Variants in GRM5 observed in about 807,000 individuals in gnomAD.
GRM5 encodes the protein glutamate metabotropic receptor 5.
A neutral mutation model predicts 83.1 loss-of-function variants in GRM5; 19 were observed. The observed-to-expected ratio is 0.23, with a 90% CI of 0.16 to 0.34. The LOEUF is 0.34. GRM5 is among the 10% of genes least tolerant of loss of function. The pLI is 1.00. For synonymous variants in GRM5, 675 were observed against 633.6 expected (o/e 1.07, Z -0.98); for missense variants, 1,160 against 1,588.3 (o/e 0.73, Z 4.58).
intron 3 of GRM5, among the ~76,000 whole-genome samples, chr11:88,707,713 G>T (rs905437995): frequency 4.6e-5 from 7 of 152,066 alleles, no homozygotes; most frequent in Admixed American, 1.3e-4. Context: ...GCCAGCTAAT[G>T]AAAAGTGTTA....
At chr11:88,677,082 G>A (rs1417010563) in intron 3 of GRM5, among the ~76,000 whole-genome samples, 1 of 151,958 alleles carries the variant, frequency 6.6e-6, no homozygotes, top group African/African-American at 2.4e-5. Context: ...TCTTTGATGG[G>A]CCACCTATAA....
chr11:88,712,392 G>T (rs1240879498), intron 3 of GRM5, among the ~76,000 whole-genome samples: 2 of 151,942 alleles, frequency 1.3e-5, no homozygotes, highest in Admixed American at 1.3e-4. Flanking sequence ...TGTTTGTTAT[G>T]GTTTGGTAGA....
intron 3 of GRM5, among the ~76,000 whole-genome samples, chr11:88,846,668 A>T (rs1944308082): frequency 1.3e-5 from 2 of 152,148 alleles, no homozygotes; most frequent in Non-Finnish European, 1.5e-5. Flanking sequence ...AGTAGGCTCT[A>T]AATATAGCCT....
intron 4 of GRM5, among the ~76,000 whole-genome samples, chr11:88,632,954 C>T (rs1223293877): frequency 1.3e-5 from 2 of 152,094 alleles, no homozygotes; most frequent in Non-Finnish European, 2.9e-5. Flanking sequence ...GCATCTTCTC[C>T]TGTACTTATC....
chr11:88,907,544 T>C (rs1945427043), intron 2 of GRM5, among the ~76,000 whole-genome samples: 1 of 152,226 alleles, frequency 6.6e-6, no homozygotes, highest in Non-Finnish European at 1.5e-5. Flanking sequence ...TGTATGACTT[T>C]AAAATGTCAC....
chr11:88,994,925 A>G (rs1262235182), intron 2 of GRM5, among the ~76,000 whole-genome samples: 3 of 152,108 alleles, frequency 2.0e-5, no homozygotes, highest in South Asian at 2.1e-4. Flanking sequence ...ACATTTACCT[A>G]TGCTTTCATT....
intron 2 of GRM5, among the ~76,000 whole-genome samples, chr11:89,010,867 A>G (rs10830199): frequency 0.58 from 87,926 of 151,408 alleles, 25,592 homozygotes; most frequent in South Asian, 0.71. Flanking sequence ...AGCAAAGCTA[A>G]TATCTGCAGA....
intron 2 of GRM5, among the ~76,000 whole-genome samples, chr11:89,011,273 T>C (rs1940691330): frequency 6.6e-6 from 1 of 152,192 alleles, no homozygotes; most frequent in African/African-American, 2.4e-5. Flanking sequence ...GGTTTCTTAA[T>C]CTTATTTTAA....
chr11:88,723,528 A>G (rs1467311456), intron 3 of GRM5, among the ~76,000 whole-genome samples: 1 of 152,010 alleles, frequency 6.6e-6, no homozygotes, highest in Non-Finnish European at 1.5e-5. Flanking sequence ...CTGTTGCTCC[A>G]TGCTTTTTTT....
intron 3 of GRM5, among the ~76,000 whole-genome samples, chr11:88,703,437 G>A (rs1941082379): frequency 1.3e-5 from 2 of 152,038 alleles, no homozygotes; most frequent in African/African-American, 4.8e-5. Flanking sequence ...TCCCCAATCT[G>A]TGATCACAGT....
At chr11:88,966,758 CT>C (rs1279139697) in intron 2 of GRM5, among the ~76,000 whole-genome samples, 1 of 152,110 alleles carries the variant, frequency 6.6e-6, no homozygotes, top group Non-Finnish European at 1.5e-5. Context: ...AGTCTCCCCC[CT>C]GGGTATGAGA....
At chr11:89,064,854 T>TTCTC (rs144985912) in intron 1 of GRM5, among the ~76,000 whole-genome samples, 1,705 of 45,958 alleles carry the variant, frequency 0.037, 63 homozygotes, top group East Asian at 0.046. Flanking sequence ...ATTTTTCATA[T>TTCTC]TCTCTCTCTC....
chr11:89,024,188 TGGA>T (rs1941070223), intron 2 of GRM5, among the ~76,000 whole-genome samples: 1 of 152,186 alleles, frequency 6.6e-6, no homozygotes, highest in Admixed American at 6.5e-5. Flanking sequence ...CACTCCAGCT[TGGA>T]GGACAGAGTG....
intron 8 of GRM5, among the ~76,000 whole-genome samples, chr11:88,535,985 T>C (rs1470145131): frequency 6.6e-6 from 1 of 152,194 alleles, no homozygotes; most frequent in Non-Finnish European, 1.5e-5. Flanking sequence ...TTCTCAATAA[T>C]CCACACTTAG....
chr11:88,732,919 C>G (rs16914716), intron 3 of GRM5, among the ~76,000 whole-genome samples: 4,694 of 152,066 alleles, frequency 0.031, 231 homozygotes, highest in African/African-American at 0.11. Context: ...AATTAAGACT[C>G]TTGCCAAAGA....
intron 3 of GRM5, among the ~76,000 whole-genome samples, chr11:88,834,202 C>A (rs1358004701): frequency 6.6e-6 from 1 of 151,962 alleles, no homozygotes; most frequent in South Asian, 2.1e-4. Context: ...ATTACTCATT[C>A]TGACTGTAAA....
At chr11:88,975,377 A>G (rs936308540) in intron 2 of GRM5, among the ~76,000 whole-genome samples, 3 of 152,190 alleles carry the variant, frequency 2.0e-5, no homozygotes, top group African/African-American at 7.2e-5. Flanking sequence ...CTGTAGTGTG[A>G]ACAAAAATTA....
chr11:88,625,195 G>A (rs779916299), intron 4 of GRM5, among the ~76,000 whole-genome samples: 3 of 152,098 alleles, frequency 2.0e-5, no homozygotes, highest in South Asian at 2.1e-4. Context: ...CAAGGGTGCC[G>A]AAGTTCCAGA....
intron 3 of GRM5, among the ~76,000 whole-genome samples, chr11:88,709,232 GC>G (rs1391734045): frequency 6.6e-6 from 1 of 151,882 alleles, no homozygotes; most frequent in African/African-American, 2.4e-5. Flanking sequence ...AGTGGCATGT[GC>G]AAAGACATAG....
Sources: allele counts gnomAD v4.1 joint callset (sites outside exome capture counted in the v4.1 genomes callset), GRCh38; gene constraint gnomAD v4.1.1; transcripts MANE v1.5; gene names NCBI Gene and HGNC (gene_info 2026-07-23, HGNC 2026-07-21).